The following PPEF1 variants were observed in gnomAD, a reference collection of about 807,000 sequenced individuals.
PPEF1 encodes serine/threonine-protein phosphatase with EF-hands 1.
In PPEF1, 12 loss-of-function variants were observed where a neutral mutation model predicts 53.3. That is an observed-to-expected ratio of 0.23 (90% CI 0.14 to 0.36). The LOEUF is 0.36. Among genes scored for constraint, PPEF1 ranks in the 10% least tolerant of loss-of-function variants. The probability of loss-of-function intolerance (pLI) is 1.00; values close to 1 mark genes in which losing one functional copy is unlikely to be tolerated. For missense variants in PPEF1, 334 were observed against 490.4 expected, an observed-to-expected ratio of 0.68 and a Z score of 3.01; for synonymous variants, 165 against 176.7, an observed-to-expected ratio of 0.93 and a Z score of 0.52.
At chrX:18,822,840 A>G (rs1186132229) in intron 13 of PPEF1, among the ~76,000 whole-genome samples, 2 of 111,783 alleles carry the variant, frequency 1.8e-5, no homozygotes, top group African/African-American at 6.5e-5. Context: ...GTTTCAATGC[A>G]ATCTCAGTCA....
chrX:18,776,247 T>TTGGTTG (rs755222719), intron 6 of PPEF1, among the ~76,000 whole-genome samples: 4,672 of 104,699 alleles, frequency 0.045, 106 homozygotes, highest in African/African-American at 0.062. Context: ...TTGGTTGGTT[T>TTGGTTG]GTTTTAGACA....
At chrX:18,781,728 GATATTAAGGGC>G (rs1424733845) in intron 7 of PPEF1, among the ~76,000 whole-genome samples, 18 of 111,444 alleles carry the variant, frequency 1.6e-4, no homozygotes, top group Admixed American at 1.4e-3. Context: ...CACAGTGTTG[GATATTAAGGGC>G]ATGTACTGTT....
At chrX:18,820,644 C>CA (rs1490711939) in intron 13 of PPEF1, among the ~76,000 whole-genome samples, 1 of 110,758 alleles carries the variant, frequency 9.0e-6, no homozygotes, top group Non-Finnish European at 1.9e-5. Context: ...CTTGGCCTCC[C>CA]AAAGTGCTGG....
intron 11 of PPEF1, among the ~76,000 whole-genome samples, chrX:18,805,245 A>C (rs1166762729): frequency 9.1e-6 from 1 of 110,330 alleles, no homozygotes; most frequent in Admixed American, 9.7e-5. Flanking sequence ...CAGCCTCCCA[A>C]AGTGCTGGGA....
chrX:18,802,522 C>T (rs777049324), intron 10 of PPEF1, among the ~76,000 whole-genome samples: 21 of 111,678 alleles, frequency 1.9e-4, no homozygotes, highest in Non-Finnish European at 1.1e-4. Flanking sequence ...AAATGTATTG[C>T]GGAAACTGAG....
In PPEF1 at chrX:18,826,565, A is replaced by C. The variant is rs374382862; in HGVS notation, c.1751-711A>C. ...TGCCTCAGCCTCCTGAGTAGCTGGG[A>C]TTACAGGCATGCGCCACCACACCCT... On this transcript the variant is annotated intron_variant, in intron 15 of 15. Coordinates refer to ENST00000470157, the MANE Select transcript of PPEF1 (RefSeq NM_001377996.1). Among the ~76,000 whole-genome samples, 4 of 106,389 alleles carry C rather than the reference A, an allele frequency of 3.8e-5. 1 individual carries two copies. Among genetic ancestry groups the C allele is most frequent in the Admixed American group, 1.0e-4 (1 of 9,704 alleles). 92.4% of individuals were successfully genotyped at this position (106,389 alleles called of 115,157 possible).
At chrX:18,768,003 T>C (rs1275921763) in intron 6 of PPEF1, among the ~76,000 whole-genome samples, 1 of 111,710 alleles carries the variant, frequency 9.0e-6, no homozygotes, top group Non-Finnish European at 1.9e-5. Context: ...TACTAATCAA[T>C]TTGTCAACAA....
intron 6 of PPEF1, among the ~76,000 whole-genome samples, chrX:18,771,111 CTTCTT>C (rs770741152): frequency 7.1e-5 from 8 of 111,902 alleles, no homozygotes; most frequent in Non-Finnish European, 1.1e-4. Context: ...ATGTTTTCCT[CTTCTT>C]TTGAATCAGT....
At chrX:18,721,250 G>T (rs1207122413) in intron 1 of PPEF1, among the ~76,000 whole-genome samples, 1 of 111,873 alleles carries the variant, frequency 8.9e-6, no homozygotes, top group Non-Finnish European at 1.9e-5. Context: ...AATGTTTAGT[G>T]TTCCCAAACC....
At chrX:18,727,453 G>A (rs899984149) in intron 1 of PPEF1, among the ~76,000 whole-genome samples, 2 of 111,313 alleles carry the variant, frequency 1.8e-5, no homozygotes, top group African/African-American at 6.5e-5. Context: ...TTGAAGATGT[G>A]TGTAGGGAAA....
intron 5 of PPEF1, 98 bp from the exon 6 acceptor site, chrX:18,761,432 C>T: frequency 1.3e-6 from 1 of 754,186 alleles, no homozygotes; most frequent in Non-Finnish European, 2.1e-6. Context: ...AACCCAATGC[C>T]CTGAGAACAC....
chrX:18,789,342 A>G, intron 10 of PPEF1, 69 bp downstream of exon 10: 1 of 1,040,384 alleles, frequency 9.6e-7, no homozygotes, highest in Non-Finnish European at 1.3e-6. Flanking sequence ...CTTACAATAT[A>G]TAGATAAAAA....
At chrX:18,727,699 C>G (rs2044739981) in intron 1 of PPEF1, among the ~76,000 whole-genome samples, 1 of 111,061 alleles carries the variant, frequency 9.0e-6, no homozygotes, top group Non-Finnish European at 1.9e-5. Context: ...ACACCAGTTG[C>G]AAGTTAAGAC....
intron 3 of PPEF1, among the ~76,000 whole-genome samples, chrX:18,743,446 CTTTTTTTTTT>C (rs72264344): frequency 3.4e-5 from 2 of 59,332 alleles, no homozygotes; most frequent in Non-Finnish European, 6.2e-5. Flanking sequence ...TTCTCTTTTT[CTTTTTTTTTT>C]TTTTTTTTTT....
chrX:18,788,189 C>T (rs967621173), intron 9 of PPEF1, among the ~76,000 whole-genome samples: 15 of 106,488 alleles, frequency 1.4e-4, no homozygotes, highest in East Asian at 3.0e-4. Context: ...TGGTGGCGGG[C>T]GCCTGTAGTC....
intron 13 of PPEF1, among the ~76,000 whole-genome samples, chrX:18,821,774 AGAGAGAGAGAGAGAGAGAGAGAGAGAG>A (rs1569273789): frequency 4.1e-5 from 4 of 98,156 alleles, no homozygotes; most frequent in Non-Finnish European, 2.1e-5. Context: ...AGAGAGAGAG[AGAGAGAGAGAGAGAGAGAGAGAGAGAG>A]AGAAAACAAA....
intron 1 of PPEF1, among the ~76,000 whole-genome samples, chrX:18,709,275 C>T (rs922736162): frequency 9.0e-6 from 1 of 111,711 alleles, no homozygotes; most frequent in African/African-American, 3.3e-5. Context: ...CCCCTGGCAA[C>T]CACAAATCTA....
chrX:18,823,347 G>A (rs113849584), intron 13 of PPEF1, among the ~76,000 whole-genome samples: 3,726 of 111,323 alleles, frequency 0.033, 136 homozygotes, highest in African/African-American at 0.12. Flanking sequence ...AACCTAGGCC[G>A]CGCATGGTGG....
upstream of PPEF1, among the ~76,000 whole-genome samples, chrX:18,706,131 C>T (rs1440524631): frequency 9.8e-6 from 1 of 102,063 alleles, no homozygotes; most frequent in Non-Finnish European, 2.0e-5. Context: ...CCGGGTGTCA[C>T]GGCACATGCT....
Sources: allele counts gnomAD v4.1 joint callset (sites outside exome capture counted in the v4.1 genomes callset), GRCh38; gene constraint gnomAD v4.1.1; transcripts MANE v1.5; gene names NCBI Gene and HGNC (gene_info 2026-07-23, HGNC 2026-07-21).